Variants in PHLPP1 observed in about 807,000 individuals in gnomAD.
PHLPP1 encodes PH domain and leucine rich repeat protein phosphatase 1.
PHLPP1 carries 42 observed loss-of-function variants against 117.2 expected under a neutral mutation model. The observed-to-expected ratio is 0.36, with a 90% CI of 0.28 to 0.46. The LOEUF (loss-of-function observed/expected upper bound fraction) is 0.46, where lower values mean the gene tolerates loss of function less well. Among genes scored for constraint, PHLPP1 ranks in the 20% least tolerant of loss-of-function variants. The pLI is 1.00. For missense variants in PHLPP1, 2,084 were observed against 2,241.9 expected, an observed-to-expected ratio of 0.93 and a Z score of 1.42; for synonymous variants, 1,042 against 970.7, an observed-to-expected ratio of 1.07 and a Z score of -1.37.
intron 4 of PHLPP1, among the ~76,000 whole-genome samples, chr18:62,861,258 C>T (rs1915626377): frequency 6.6e-6 from 1 of 152,110 alleles, no homozygotes; most frequent in African/African-American, 2.4e-5. Context: ...TACAGGCGCC[C>T]ACGCCCTCTT....
intron 1 of PHLPP1, among the ~76,000 whole-genome samples, chr18:62,822,272 T>G (rs1212551536): frequency 6.9e-6 from 1 of 144,382 alleles, no homozygotes; most frequent in African/African-American, 2.5e-5. Flanking sequence ...AGTGTTTTTT[T>G]TTTTTTTGTT....
intron 12 of PHLPP1, among the ~76,000 whole-genome samples, chr18:62,949,189 A>C (rs1466314973): frequency 6.6e-6 from 1 of 152,220 alleles, no homozygotes; most frequent in African/African-American, 2.4e-5. Context: ...ATAACATTTC[A>C]GAAAAGATAA....
At chr18:62,834,018 C>A (rs7230429) in intron 2 of PHLPP1, among the ~76,000 whole-genome samples, 32,025 of 151,972 alleles carry the variant, frequency 0.21, 4,988 homozygotes, top group African/African-American at 0.44. Context: ...AAGTAATGCC[C>A]TGGTAACACC....
chr18:62,720,736 A>G (rs1910890505), intron 1 of PHLPP1, among the ~76,000 whole-genome samples: 1 of 151,762 alleles, frequency 6.6e-6, no homozygotes, highest in Non-Finnish European at 1.5e-5. Flanking sequence ...ACATTTTTAT[A>G]TTTATATTTT....
At chr18:62,935,509 A>G (rs1444121715) in intron 10 of PHLPP1, among the ~76,000 whole-genome samples, 1 of 152,242 alleles carries the variant, frequency 6.6e-6, no homozygotes, top group Non-Finnish European at 1.5e-5. Context: ...TGATCAAGTT[A>G]GACAAATTGA....
At chr18:62,880,272 A>C (rs1207779598) in intron 4 of PHLPP1, among the ~76,000 whole-genome samples, 1 of 151,940 alleles carries the variant, frequency 6.6e-6, no homozygotes, top group African/African-American at 2.4e-5. Flanking sequence ...TGTTTAGGCT[A>C]CTGTCTAAGG....
rs993938142 is a variant in PHLPP1, at chr18:62,780,026, A to G, written c.1577-50009A>G. 2.0e-5 allele frequency among the ~76,000 whole-genome samples: 3 copies of G among 152,194 alleles called. No homozygotes were observed. The South Asian group carries it at 6.2e-4, about 32-fold the overall frequency. On this transcript the variant is annotated intron_variant, in intron 1 of 16. Transcript: ENST00000262719. ...AATAGAGTTGAATGAAATGGTCTCA[A>G]ATGTTAGTCTTTTTTTAACAGTGTA...
chr18:62,979,346 C>A lies in PHLPP1; in HGVS notation c.5069C>A (p.Pro1690Gln). 1.3e-6 allele frequency: 2 copies of A among 1,547,432 alleles called. No individual in the cohort carries two copies. The highest frequency in any genetic ancestry group is 1.7e-6 in the Non-Finnish European group (2 of 1,142,922). ...HHQEQQQQQQ[P>Q]PPPPQLQPQL... The stretch of plus-strand genomic sequence containing the variant: ...CAGGAGCAACAGCAGCAGCAGCAGC[C>A]GCCACCACCCCCTCAGCTCCAGCCG... The change falls in exon 17 of 17, where the codon CCG becomes CAG. Residue 1690 changes from proline (P) to glutamine (Q), a missense_variant. Transcript: ENST00000262719.
chr18:62,913,739 C>CTTTTTTTTT (rs398033174), intron 8 of PHLPP1, among the ~76,000 whole-genome samples: 2 of 100,740 alleles, frequency 2.0e-5, no homozygotes, highest in Non-Finnish European at 3.7e-5. Flanking sequence ...CTCTCTCTCT[C>CTTTTTTTTT]TTTTTTTTTT....
At chr18:62,735,606 A>AACAAC (rs879398373) in intron 1 of PHLPP1, among the ~76,000 whole-genome samples, 22 of 135,096 alleles carry the variant, frequency 1.6e-4, no homozygotes, top group Non-Finnish European at 2.7e-4. Context: ...ACAACAACAA[A>AACAAC]ACCAGTTGAC....
chr18:62,934,326 A>G (rs1371227447), intron 10 of PHLPP1, among the ~76,000 whole-genome samples: 1 of 152,166 alleles, frequency 6.6e-6, no homozygotes, highest in Non-Finnish European at 1.5e-5. Context: ...CAACCTATGT[A>G]CCCGTCGGTG....
chr18:62,862,748 A>T (rs1915663893), intron 4 of PHLPP1, among the ~76,000 whole-genome samples: 1 of 152,202 alleles, frequency 6.6e-6, no homozygotes, highest in South Asian at 2.1e-4. Flanking sequence ...CTATTTTATC[A>T]CCCAGAAAAT....
intron 1 of PHLPP1, among the ~76,000 whole-genome samples, chr18:62,781,655 AG>A (rs1340223879): frequency 6.6e-6 from 1 of 152,210 alleles, no homozygotes; most frequent in Non-Finnish European, 1.5e-5. Flanking sequence ...ACCTGGGATA[AG>A]ATGATTTTTT....
At chr18:62,772,003 CTTCT>C (rs1295882179) in intron 1 of PHLPP1, among the ~76,000 whole-genome samples, 1 of 152,200 alleles carries the variant, frequency 6.6e-6, no homozygotes, top group Non-Finnish European at 1.5e-5. Context: ...CTTCTTCTTT[CTTCT>C]GTCTTCTTCT....
At chr18:62,737,326 AAG>A (rs1284388986) in intron 1 of PHLPP1, among the ~76,000 whole-genome samples, 2 of 152,290 alleles carry the variant, frequency 1.3e-5, no homozygotes, top group Non-Finnish European at 2.9e-5. Flanking sequence ...ATGAGACTAA[AAG>A]AGAGGTTGAG....
Position 62,915,152 on chromosome 18 carries a change from T to G in PHLPP1, c.2804+144T>G, listed in dbSNP as rs1342089987. 2.8e-5 allele frequency: 17 copies of G among 605,770 alleles called. No individual in the cohort carries two copies. In the Admixed American group the frequency reaches 5.0e-4, roughly 18 times the overall value. The allele number at this position is 605,770 out of a possible 1,614,324, so 37.5% of individuals were successfully genotyped here. ...GGTGTCTTTTACCCCATGTGGTGTC[T>G]TCAAGTTACACACTTGCTTCATGCA... On this transcript the variant is annotated intron_variant, in intron 9 of 16. Transcript: ENST00000262719.
chr18:62,898,432 C>T (rs535973159), intron 6 of PHLPP1, among the ~76,000 whole-genome samples: 2 of 152,282 alleles, frequency 1.3e-5, no homozygotes, highest in East Asian at 1.9e-4. Flanking sequence ...TTTCTTCTCA[C>T]TGTGACTGTT....
chr18:62,972,418 A>G (rs1395832958), intron 14 of PHLPP1, 96 bp from the exon 15 acceptor site: 4 of 1,138,044 alleles, frequency 3.5e-6, no homozygotes, highest in Non-Finnish European at 5.0e-6. Context: ...GAAGAAAGAG[A>G]CAAAACTGAG....
At chr18:62,939,237 C>A (rs541720732) in intron 10 of PHLPP1, among the ~76,000 whole-genome samples, 193 of 152,162 alleles carry the variant, frequency 1.3e-3, no homozygotes, top group African/African-American at 4.4e-3. Context: ...AGGTGATCCA[C>A]CCGCCTCAGC....
Sources: allele counts gnomAD v4.1 joint callset (sites outside exome capture counted in the v4.1 genomes callset), GRCh38; gene constraint gnomAD v4.1.1; transcripts MANE v1.5; gene names NCBI Gene and HGNC (gene_info 2026-07-23, HGNC 2026-07-21).